The following KCTD21 variants were observed in gnomAD, a reference collection of about 807,000 sequenced individuals.
The protein encoded by KCTD21 is potassium channel tetramerization domain containing 21, also known as BTB/POZ domain-containing protein KCTD21.
A neutral mutation model predicts 13.2 loss-of-function variants in KCTD21; 9 were observed. The ratio of observed to expected loss-of-function variants is 0.68; its 90% CI spans 0.41 to 1.19. KCTD21 has a LOEUF of 1.19. Among genes scored for constraint, KCTD21 ranks in the 50% most tolerant of loss-of-function variants. The pLI, the probability that KCTD21 is intolerant of heterozygous loss-of-function variation, is 0.01. For missense variants in KCTD21, 303 were observed against 336.5 expected, an observed-to-expected ratio of 0.90 and a Z score of 0.78; for synonymous variants, 142 against 137.4, an observed-to-expected ratio of 1.03 and a Z score of -0.23.
rs145220960 is a variant in KCTD21 at position 78,178,331 on chromosome 11, T to G, written c.-29-3748A>C. Among the ~76,000 whole-genome samples, 119 of 152,248 alleles carry G rather than the reference T, an allele frequency of 7.8e-4. 2 individuals carry two copies. In the East Asian group the frequency reaches 0.021, roughly 26 times the overall value. Reference sequence around the variant, plus strand: ...TTTTAGTAGAGATGGGATTTCACCATGTTGGCCAGGATGGTCTCGATCTCT... The same window carrying G: ...TTTTAGTAGAGATGGGATTTCACCAGGTTGGCCAGGATGGTCTCGATCTCT... On this transcript the variant is annotated intron_variant, in intron 1 of 1. Transcript: ENST00000340067.
chr11:78,183,898 G>A (rs1477701286), intron 1 of KCTD21, among the ~76,000 whole-genome samples: 1 of 152,114 alleles, frequency 6.6e-6, no homozygotes, highest in African/African-American at 2.4e-5. Context: ...GCCTCCCAAA[G>A]TGCTGGGATT....
chr11:78,185,060 A>G (rs923595078), intron 1 of KCTD21, among the ~76,000 whole-genome samples: 3 of 152,188 alleles, frequency 2.0e-5, no homozygotes, highest in Non-Finnish European at 4.4e-5. Context: ...TAACTATTAC[A>G]TTGGGTAATA....
chr11:78,173,838 A>G lies in KCTD21; in HGVS notation c.717T>C (p.Asp239=). 2 of 1,614,206 alleles carry G rather than the reference A, an allele frequency of 1.2e-6. No individual in the cohort carries two copies. Among genetic ancestry groups the G allele is most frequent in the Non-Finnish European group, 1.7e-6 (2 of 1,180,046 alleles). ...KIALSDGFCI[D]SSHPHALDFM... ...AATCCAGAGCATGTGGGTGAGAAGA[A>G]TCGATGCAGAAGCCATCGCTCAGAG... Residue 239 remains aspartate, a synonymous_variant, in exon 2 of 2, where the codon GAT becomes GAC. Coordinates refer to ENST00000340067, the MANE Select transcript of KCTD21 (RefSeq NM_001029859.3).
chr11:78,174,013 G>T lies in KCTD21; in HGVS notation c.542C>A (p.Pro181His), dbSNP rs763312824. ...LSSITSHLQD[P>H]NHLTLDWVAN... ...CACCCAGTCCAGAGTCAGGTGGTTG[G>T]GGTCCTGCAAGTGGCTGGTGATGGA... Residue 181 changes from proline to histidine, a missense_variant, in exon 2 of 2, where the codon CCC becomes CAC. By Grantham distance (77) the Pro-to-His change is moderately conservative. Transcript: ENST00000340067. The T allele has an allele frequency of 6.8e-6, 11 of 1,614,074 alleles. No homozygotes were observed. In the South Asian group the frequency reaches 1.2e-4, roughly 18 times the overall value.
At chr11:78,182,306 C>CCG (rs1005010883) in intron 1 of KCTD21, among the ~76,000 whole-genome samples, 2 of 106,638 alleles carry the variant, frequency 1.9e-5, no homozygotes, top group African/African-American at 7.6e-5. Context: ...CACCCCCCCC[C>CCG]CCTCAAAATT....
intron 1 of KCTD21, chr11:78,186,739 C>G (rs2137009441): frequency 1.0e-6 from 1 of 985,510 alleles, no homozygotes; most frequent in East Asian, 1.1e-4. Flanking sequence ...TCTGCCATCC[C>G]CTCTGCCTGG....
intron 1 of KCTD21, chr11:78,187,521 A>C: frequency 2.0e-6 from 2 of 985,336 alleles, no homozygotes; most frequent in Non-Finnish European, 2.4e-6. Context: ...GACCTCCAAC[A>C]ACCACTACCA....
intron 1 of KCTD21, among the ~76,000 whole-genome samples, chr11:78,180,524 T>A (rs938884658): frequency 6.6e-6 from 1 of 151,980 alleles, no homozygotes; most frequent in Non-Finnish European, 1.5e-5. Context: ...ACAAAACAAC[T>A]AGACAAAAGA....
At chr11:78,176,475 A>G (rs1186419633) in intron 1 of KCTD21, among the ~76,000 whole-genome samples, 1 of 152,098 alleles carries the variant, frequency 6.6e-6, no homozygotes, top group Non-Finnish European at 1.5e-5. Context: ...AGAAAACAGG[A>G]GATCTCAGCT....
intron 1 of KCTD21, chr11:78,187,471 A>G (rs1862819537): frequency 1.0e-6 from 1 of 985,254 alleles, no homozygotes; most frequent in African/African-American, 1.7e-5. Flanking sequence ...GAAGGAGACC[A>G]CGGAATCTGG....
rs910061795 is a variant in KCTD21 at position 78,173,135 on chromosome 11, C to G, written c.*637G>C. On this transcript the variant is annotated 3_prime_UTR_variant, in exon 2 of 2. Coordinates refer to ENST00000340067, the MANE Select transcript of KCTD21 (RefSeq NM_001029859.3). The stretch of plus-strand genomic sequence containing the variant: ...CTTGATTCAGCCCTATCAAGAGGGA[C>G]ATTCCTACCTTCTGAACTCTGCCTG... 6.6e-6 allele frequency: 1 copy of G among 152,368 alleles called. No homozygotes were observed. Among genetic ancestry groups the G allele is most frequent in the Non-Finnish European group, 1.5e-5 (1 of 68,178 alleles). 9.4% of individuals were successfully genotyped at this position (152,368 alleles called of 1,614,324 possible).
At position 78,174,483 on chromosome 11, in the gene KCTD21, G is replaced by A; in HGVS notation, c.72C>T (p.Phe24=). ...YTTSLATLTS[F]PDSMLGAMFS... ...ACATGGCGCCTAGCATGGAGTCAGG[G>A]AAGCTGGTCAGGGTCGCCAGTGAGG... The change falls in exon 2 of 2, where the codon TTC becomes TTT. Residue 24 remains phenylalanine, a synonymous_variant. Coordinates refer to ENST00000340067, the MANE Select transcript of KCTD21 (RefSeq NM_001029859.3). 2 of 1,614,166 alleles carry A rather than the reference G, an allele frequency of 1.2e-6. No homozygotes were observed. Among genetic ancestry groups the A allele is most frequent in the East Asian group, 2.2e-5 (1 of 44,882 alleles).
chr11:78,186,830 T>C (rs1862789754), intron 1 of KCTD21: 2 of 985,344 alleles, frequency 2.0e-6, no homozygotes, highest in Admixed American at 1.2e-4. Context: ...CGGAGAATTT[T>C]AGTCTAACCC....
At chr11:78,179,449 G>C (rs1862553526) in intron 1 of KCTD21, among the ~76,000 whole-genome samples, 1 of 151,946 alleles carries the variant, frequency 6.6e-6, no homozygotes, top group Non-Finnish European at 1.5e-5. Context: ...GAACTCTTCT[G>C]AGCCACCCAA....
chr11:78,174,444 C>T lies in KCTD21; in HGVS notation c.111G>A (p.Met37Ile). ...TGCCCTGGCTGTCCCTCTTGGTGGG[C>T]ATCTTCCCGCTGAACATGGCGCCTA... ...SMLGAMFSGKMPTKRDSQGNC... is the reference protein window; with the variant it reads ...SMLGAMFSGKIPTKRDSQGNC... The change falls in exon 2 of 2, where the codon ATG (methionine) becomes ATA (isoleucine). Residue 37 changes from methionine to isoleucine, a missense_variant. Transcript: ENST00000340067. The T allele has an allele frequency of 6.2e-7, 1 of 1,614,096 alleles. No homozygotes were observed. The highest frequency in any genetic ancestry group is 2.2e-5 in the East Asian group (1 of 44,868).
At chr11:78,181,612 A>C (rs1359795714) in intron 1 of KCTD21, among the ~76,000 whole-genome samples, 1 of 152,210 alleles carries the variant, frequency 6.6e-6, no homozygotes, top group African/African-American at 2.4e-5. Context: ...AAATGTGTTT[A>C]TAAAGACTGT....
chr11:78,174,495 G>C lies in KCTD21; in HGVS notation c.60C>G (p.Thr20=), dbSNP rs778056046. 3 of 1,613,988 alleles carry C rather than the reference G, an allele frequency of 1.9e-6. No individual in the cohort carries two copies. The highest frequency in any genetic ancestry group is 2.5e-6 in the Non-Finnish European group (3 of 1,180,012). ...GCATGGAGTCAGGGAAGCTGGTCAG[G>C]GTCGCCAGTGAGGTTGTATAGAGCT... The part of the protein sequence containing the change: ...GGKLYTTSLA[T]LTSFPDSMLG... The change falls in exon 2 of 2, where the codon ACC becomes ACG. Residue 20 remains threonine, a synonymous_variant. Transcript: ENST00000340067.
chr11:78,187,723 C>T, intron 1 of KCTD21: 1 of 985,450 alleles, frequency 1.0e-6, no homozygotes, highest in Middle Eastern at 5.2e-4. Flanking sequence ...GGAGGGCTGC[C>T]TTACAGGCTG....
At chr11:78,183,894 C>A (rs914468594) in intron 1 of KCTD21, among the ~76,000 whole-genome samples, 2 of 152,204 alleles carry the variant, frequency 1.3e-5, no homozygotes, top group Non-Finnish European at 2.9e-5. Context: ...CTCGGCCTCC[C>A]AAAGTGCTGG....
Sources: gnomAD v4.1 joint callset for allele counts (sites outside exome capture counted in the v4.1 genomes callset) on GRCh38, gnomAD v4.1.1 for gene constraint, MANE v1.5 for transcripts, NCBI Gene and HGNC (gene_info 2026-07-23, HGNC 2026-07-21) for gene names.